GLB1: variants seen among roughly 807,000 people sequenced by gnomAD.
GLB1 encodes the protein galactosidase beta 1, also known as beta-galactosidase.
A neutral mutation model predicts 74.0 loss-of-function variants in GLB1; 56 were observed. The observed-to-expected ratio is 0.76, with a 90% confidence interval of 0.61 to 0.94. The LOEUF (loss-of-function observed/expected upper bound fraction) is 0.94. Ranked by LOEUF, GLB1 falls within the 40% of genes least tolerant of loss-of-function variation. The probability of loss-of-function intolerance (pLI) is 0.00; values close to 1 mark genes in which losing one functional copy is unlikely to be tolerated. For synonymous variants in GLB1, 323 were observed against 323.6 expected (o/e 1.00, Z 0.02); for missense variants, 787 against 845.5 (o/e 0.93, Z 0.86).
chr3:33,094,100 T>G (rs61749982), intron 1 of GLB1: 1 of 1,614,134 alleles, frequency 6.2e-7, no homozygotes, highest in Non-Finnish European at 8.5e-7. Flanking sequence ...CAAGGCTCTC[T>G]GCCAGATACG....
At chr3:32,981,273 T>C in the GLB1 span, among the ~76,000 whole-genome samples, 1 of 149,200 alleles carries the variant, frequency 6.7e-6, no homozygotes, top group Non-Finnish European at 1.5e-5. Context: ...TGTGGTGGCA[T>C]ACACCTGTAG....
chr3:32,962,497 A>C, the GLB1 span, among the ~76,000 whole-genome samples: 3 of 152,306 alleles, frequency 2.0e-5, no homozygotes, highest in Admixed American at 2.0e-4. Flanking sequence ...AGTTTATTTA[A>C]AAAATTGGAA....
Position 33,096,625 on chromosome 3 carries a change from G to T in GLB1, c.75+386C>A, listed in dbSNP as rs1479390633. On this transcript the variant is annotated intron_variant, in intron 1 of 15. Coordinates refer to ENST00000307363, the MANE Select transcript of GLB1 (RefSeq NM_000404.4). The stretch of plus-strand genomic sequence containing the variant: ...TCCGCAGAGCACCAACTGGGAAAGC[G>T]AGGGCGCCCCAAACCAGAGCCGGAG... 6 of 1,066,282 alleles carry T rather than the reference G, an allele frequency of 5.6e-6. No homozygotes were observed. The East Asian group carries it at 5.2e-4, about 93-fold the overall frequency. 66.1% of individuals were successfully genotyped at this position (1,066,282 alleles called of 1,614,324 possible).
At chr3:33,034,940 C>T (rs1698206781) in intron 10 of GLB1, 2 of 268,372 alleles carry the variant, frequency 7.5e-6, no homozygotes, top group Admixed American at 4.5e-5. Flanking sequence ...GCAGAAACTA[C>T]AAATGATGTT....
chr3:33,093,588 G>A lies in GLB1; in HGVS notation c.75+3423C>T, dbSNP rs1298488319. ...GAGCACGATCTTGAGGTTGTTCATT[G>A]AGGCAGGCAGCTGATGGATGGGCAC... On this transcript the variant is annotated intron_variant, in intron 1 of 15. Coordinates refer to ENST00000307363, the MANE Select transcript of GLB1 (RefSeq NM_000404.4). This position sits in a 1 kb window ranked among gnomAD's most constrained non-coding sequence, Gnocchi z 6.0. 3.1e-6 allele frequency: 5 copies of A among 1,614,048 alleles called. No homozygotes were observed. The highest frequency in any genetic ancestry group is 4.2e-6 in the Non-Finnish European group (5 of 1,180,022).
Position 33,000,512 on chromosome 3 carries a change from G to T in GLB1, c.1735-3168C>A, listed in dbSNP as rs1359474422. ...GAAGCCAAGGCGGGCAAATCACTTG[G>T]GGTCAGGAGTTCGAGACCAGCCTGG... On this transcript the variant is annotated intron_variant, in intron 15 of 15. Coordinates refer to ENST00000307363, the MANE Select transcript of GLB1 (RefSeq NM_000404.4). Among the ~76,000 whole-genome samples the T allele has an allele frequency of 2.1e-4, 32 of 152,082 alleles. 1 individual carries two copies. The highest frequency in any genetic ancestry group is 2.1e-3 in the Admixed American group (32 of 15,264).
At chr3:32,974,193 C>T in the GLB1 span, among the ~76,000 whole-genome samples, 1,162 of 152,238 alleles carry the variant, frequency 7.6e-3, 13 homozygotes, top group African/African-American at 0.026. Context: ...TAACAGAAGA[C>T]CTGATTTTGG....
At chr3:32,977,759 C>A in the GLB1 span, among the ~76,000 whole-genome samples, 3 of 152,194 alleles carry the variant, frequency 2.0e-5, no homozygotes, top group African/African-American at 7.2e-5. Context: ...AGCTAAGCGC[C>A]ATAGAGAGGG....
chr3:33,074,031 A>AAAG (rs1440168221), intron 1 of GLB1, among the ~76,000 whole-genome samples: 1 of 151,132 alleles, frequency 6.6e-6, no homozygotes, highest in African/African-American at 2.4e-5. Context: ...CTCAAAAAAA[A>AAAG]AAAAAAAAGG....
chr3:33,073,662 T>C (rs1699973502), intron 1 of GLB1, among the ~76,000 whole-genome samples: 1 of 151,982 alleles, frequency 6.6e-6, no homozygotes, highest in African/African-American at 2.4e-5. Context: ...CACTCCAGCC[T>C]GGGCGACAGA....
chr3:32,997,360 C>G lies in GLB1; in HGVS notation c.1735-16G>C, dbSNP rs1696353148. The G allele has an allele frequency of 6.2e-7, 1 of 1,611,858 alleles. No individual in the cohort carries two copies. The highest frequency in any genetic ancestry group is 1.1e-5 in the South Asian group (1 of 90,960). ...AGACCTGGCCCTGGAGAGAGAGAGA[C>G]AGAGAACCATCAACCCCAGATGCAC... On this transcript the variant is annotated splice_polypyrimidine_tract_variant and intron_variant, in intron 15 of 15. Transcript: ENST00000307363.
At chr3:32,962,343 A>G in the GLB1 span, among the ~76,000 whole-genome samples, 1 of 151,362 alleles carries the variant, frequency 6.6e-6, no homozygotes, top group Non-Finnish European at 1.5e-5. Flanking sequence ...ATAATAATGT[A>G]TCAGTATTGG....
rs112518913 is a variant in GLB1 at position 33,069,733 on chromosome 3, C to T, written c.246-763G>A. 5.6e-3 allele frequency among the ~76,000 whole-genome samples: 857 copies of T among 152,272 alleles called. 7 individuals are homozygous for T. Among genetic ancestry groups the T allele is most frequent in the South Asian group, 0.042 (203 of 4,816 alleles). On this transcript the variant is annotated intron_variant, in intron 2 of 15. Transcript: ENST00000307363. ...TTTGAACATGACTTTCTTGACTGAC[C>T]GTAAACCTCCCTTCCTCAAATTCTC...
intron 10 of GLB1, among the ~76,000 whole-genome samples, chr3:33,039,689 G>A (rs1305148468): frequency 2.0e-5 from 3 of 152,166 alleles, no homozygotes; most frequent in Admixed American, 6.5e-5. Context: ...GTGGGAGAAC[G>A]AAGTAAACAT....
In GLB1 at chr3:33,014,057, T is replaced by C. The variant is rs371582179; in HGVS notation, c.1733A>G (p.Lys578Arg). 1.1e-4 allele frequency: 183 copies of C among 1,614,076 alleles called. No homozygotes were observed. Among genetic ancestry groups the C allele is most frequent in the Non-Finnish European group, 1.5e-4 (175 of 1,180,052 alleles). Residue 578 changes from lysine (K) to arginine (R), a missense_variant and splice_region_variant, in exon 15 of 16, where the codon AAG (lysine) becomes AGG (arginine). Coordinates refer to ENST00000307363, the MANE Select transcript of GLB1 (RefSeq NM_000404.4). ...AACCCTTCCCATGAAGACACGTACC[T>C]TGGTCCATCCAGGAAACTGGATAAA... ...DTFIQFPGWTKGQVWINGFNL... is the reference protein window; with the variant it reads ...DTFIQFPGWTRGQVWINGFNL...
chr3:33,066,907 C>T (rs1298284477), intron 4 of GLB1, among the ~76,000 whole-genome samples: 1 of 151,782 alleles, frequency 6.6e-6, no homozygotes, highest in Non-Finnish European at 1.5e-5. Context: ...ATCATTTACA[C>T]ATTGCTCTAT....
At chr3:33,055,592 C>G (rs1699183658) in intron 6 of GLB1, among the ~76,000 whole-genome samples, 1 of 151,070 alleles carries the variant, frequency 6.6e-6, no homozygotes, top group South Asian at 2.1e-4. Flanking sequence ...TCCTAAGTAG[C>G]TGGGATTACA....
intron 4 of GLB1, among the ~76,000 whole-genome samples, chr3:33,065,933 A>T (rs200794561): frequency 6.9e-6 from 1 of 144,544 alleles, no homozygotes; most frequent in Non-Finnish European, 1.5e-5. Flanking sequence ...GCACCATTGC[A>T]CTCCAGCCTG....
At chr3:33,045,319 G>C (rs1698696601) in intron 10 of GLB1, 1 of 959,370 alleles carries the variant, frequency 1.0e-6, no homozygotes, top group African/African-American at 1.8e-5. Flanking sequence ...AACATTTATT[G>C]AGTGCCATTT....
Sources: gnomAD v4.1 joint callset for allele counts (sites outside exome capture counted in the v4.1 genomes callset) on GRCh38, gnomAD v4.1.1 for gene constraint, Gnocchi (gnomAD v3.1) non-coding constraint, MANE v1.5 for transcripts, NCBI Gene and HGNC (gene_info 2026-07-23, HGNC 2026-07-21) for gene names.